The following QSER1 variants were observed in gnomAD, a reference collection of about 807,000 sequenced individuals.
QSER1 encodes glutamine and serine rich 1, also known as glutamine and serine-rich protein 1.
QSER1 carries 49 observed loss-of-function variants against 158.5 expected under a neutral mutation model. The ratio of observed to expected loss-of-function variants is 0.31; its 90% CI spans 0.25 to 0.39. The LOEUF (loss-of-function observed/expected upper bound fraction) is 0.39. Among genes scored for constraint, QSER1 ranks in the 10% least tolerant of loss-of-function variants. The probability of loss-of-function intolerance (pLI) is 1.00; values close to 1 mark genes in which losing one functional copy is unlikely to be tolerated. For synonymous variants in QSER1, 650 were observed against 715.5 expected, an observed-to-expected ratio of 0.91 and a Z score of 1.46; for missense variants, 1,754 against 2,010.3, an observed-to-expected ratio of 0.87 and a Z score of 2.44.
At chr11:32,941,594 G>C (rs562500253) in intron 4 of QSER1, among the ~76,000 whole-genome samples, 2 of 152,144 alleles carry the variant, frequency 1.3e-5, no homozygotes, top group Admixed American at 6.5e-5. Flanking sequence ...GTATTCCATG[G>C]TGTATATGTG....
At chr11:32,936,863 G>A (rs1413565627) in intron 4 of QSER1, among the ~76,000 whole-genome samples, 2 of 152,142 alleles carry the variant, frequency 1.3e-5, no homozygotes, top group South Asian at 2.1e-4. Flanking sequence ...CAAATAACCT[G>A]TTAGCATAAA....
At chr11:32,942,898 T>C (rs1852264782) in intron 4 of QSER1, among the ~76,000 whole-genome samples, 1 of 152,218 alleles carries the variant, frequency 6.6e-6, no homozygotes, top group South Asian at 2.1e-4. Flanking sequence ...TTGTATCCTC[T>C]TTTATTTCAT....
At chr11:32,937,721 T>G (rs1053541182) in intron 4 of QSER1, among the ~76,000 whole-genome samples, 1 of 152,222 alleles carries the variant, frequency 6.6e-6, no homozygotes, top group Non-Finnish European at 1.5e-5. Context: ...AAATAAAGAT[T>G]ATATGTAAAA....
In QSER1 at chr11:32,976,549, G is replaced by A; in HGVS notation, c.*75G>A. On this transcript the variant is annotated 3_prime_UTR_variant, in exon 13 of 13. Coordinates refer to ENST00000650167, the MANE Select transcript of QSER1 (RefSeq NM_001076786.3). The stretch of plus-strand genomic sequence containing the variant: ...ATGGGGTGGTCAAAGATAATCAGAT[G>A]TCAAGTAGTGGCCTTCTGCAGGCCG... 2.0e-6 allele frequency: 3 copies of A among 1,505,774 alleles called. No homozygotes were observed. The highest frequency in any genetic ancestry group is 4.6e-5 in the East Asian group (2 of 43,368). The allele number at this position is 1,505,774 out of a possible 1,614,324, so 93.3% of individuals were successfully genotyped here.
chr11:32,939,067 G>C (rs562707779), intron 4 of QSER1, among the ~76,000 whole-genome samples: 2 of 152,200 alleles, frequency 1.3e-5, no homozygotes, highest in African/African-American at 4.8e-5. Context: ...ACTAGTTTTT[G>C]CACTACTAAA....
At chr11:32,953,499 A>G (rs1180276267) in intron 4 of QSER1, among the ~76,000 whole-genome samples, 1 of 152,086 alleles carries the variant, frequency 6.6e-6, no homozygotes, top group African/African-American at 2.4e-5. Flanking sequence ...GACTACAGGC[A>G]CACAACACTA....
In QSER1 at chr11:32,934,990, T is replaced by C; in HGVS notation, c.3732T>C (p.Pro1244=). ...RGTDIYLPYT[P]PSSESCHDGY... ...CAGATATTTACTTACCGTATACTCC[T>C]CCTTCCTCAGAAAGCTGCCATGATG... Residue 1244 remains proline, a synonymous_variant, in exon 4 of 13, where the codon CCT becomes CCC. Coordinates refer to ENST00000650167, the MANE Select transcript of QSER1 (RefSeq NM_001076786.3). 6.2e-7 allele frequency: 1 copy of C among 1,614,096 alleles called. No individual in the cohort carries two copies. Among genetic ancestry groups the C allele is most frequent in the Non-Finnish European group, 8.5e-7 (1 of 1,179,996 alleles).
chr11:32,932,269 A>G lies in QSER1; in HGVS notation c.1011A>G (p.Ser337=). The part of the protein sequence containing the change: ...TQSIQAQLTG[S]QHSLHSYLSN... ...CAATTCAGGCACAACTGACTGGTTC[A>G]CAGCACTCCTTACATAGTTATCTAT... The change falls in exon 4 of 13, where the codon TCA becomes TCG. Residue 337 remains serine (S), a synonymous_variant. Coordinates refer to ENST00000650167, the MANE Select transcript of QSER1 (RefSeq NM_001076786.3). 1 of 1,614,078 alleles carries G rather than the reference A, an allele frequency of 6.2e-7. No individual in the cohort carries two copies. Among genetic ancestry groups the G allele is most frequent in the Non-Finnish European group, 8.5e-7 (1 of 1,180,032 alleles).
chr11:32,973,406 G>C lies in QSER1; in HGVS notation c.5215G>C (p.Glu1739Gln). 1.1e-5 allele frequency: 17 copies of C among 1,613,348 alleles called. No individual in the cohort carries two copies. Among genetic ancestry groups the C allele is most frequent in the Non-Finnish European group, 1.4e-5 (17 of 1,179,796 alleles). ...HLDQSFKNALESFPELTIITR... is the reference protein window; with the variant it reads ...HLDQSFKNALQSFPELTIITR... ...CTTCATTGTTTTCCAGAATGCTTTG[G>C]AAAGTTTTCCTGAACTAACAATAAT... The change falls in exon 11 of 13, where the codon GAA becomes CAA. Residue 1739 changes from glutamate to glutamine, a missense_variant. Around this residue, in one of 2 missense-constraint regions of QSER1, gnomAD observed 1,707 missense variants for 1,919.6 expected, o/e 0.89. Coordinates refer to ENST00000650167, the MANE Select transcript of QSER1 (RefSeq NM_001076786.3).
At chr11:32,948,544 G>A (rs146122094) in intron 4 of QSER1, among the ~76,000 whole-genome samples, 12 of 152,260 alleles carry the variant, frequency 7.9e-5, no homozygotes, top group East Asian at 5.8e-4. Flanking sequence ...CAGGAGTATC[G>A]GGTGAGCCCA....
chr11:32,935,622 G>A (rs1852141580), intron 4 of QSER1, among the ~76,000 whole-genome samples, 187 bp downstream of exon 4: 1 of 152,166 alleles, frequency 6.6e-6, no homozygotes, highest in African/African-American at 2.4e-5. Flanking sequence ...CTATGTTTTA[G>A]GTTAAGTAGT....
At chr11:32,900,146 C>G (rs1851606434) in intron 1 of QSER1, among the ~76,000 whole-genome samples, 1 of 152,210 alleles carries the variant, frequency 6.6e-6, no homozygotes, top group Non-Finnish European at 1.5e-5. Context: ...TGTTGCTTTT[C>G]TTGCCTCCTT....
intron 1 of QSER1, among the ~76,000 whole-genome samples, chr11:32,895,888 G>A (rs1053885702): frequency 1.3e-5 from 2 of 152,170 alleles, no homozygotes; most frequent in African/African-American, 4.8e-5. Context: ...TAGTTATTAG[G>A]TAGTTTTATT....
chr11:32,971,750 G>C (rs1358798837), intron 10 of QSER1, among the ~76,000 whole-genome samples: 1 of 152,078 alleles, frequency 6.6e-6, no homozygotes, highest in Non-Finnish European at 1.5e-5. Context: ...GAAAAATTTA[G>C]GTTGCCTGTT....
In QSER1 at chr11:32,976,575, G is replaced by A; in HGVS notation, c.*101G>A. 5.4e-6 allele frequency: 7 copies of A among 1,291,666 alleles called. No homozygotes were observed. The highest frequency in any genetic ancestry group is 7.7e-6 in the Non-Finnish European group (7 of 914,350). 80.0% of individuals were successfully genotyped at this position (1,291,666 alleles called of 1,614,324 possible). A position where few individuals can be genotyped will look rare whatever the true frequency, so the allele number is the denominator to read the frequency against. On this transcript the variant is annotated 3_prime_UTR_variant, in exon 13 of 13. Coordinates refer to ENST00000650167, the MANE Select transcript of QSER1 (RefSeq NM_001076786.3). Reference sequence around the variant, plus strand: ...TCAAGTAGTGGCCTTCTGCAGGCCGGCCGCTTCCATCATGGAACTGTCATT... The same window carrying A: ...TCAAGTAGTGGCCTTCTGCAGGCCGACCGCTTCCATCATGGAACTGTCATT...
At chr11:32,943,992 A>G (rs1348135567) in intron 4 of QSER1, among the ~76,000 whole-genome samples, 1 of 150,992 alleles carries the variant, frequency 6.6e-6, no homozygotes, top group Non-Finnish European at 1.5e-5. Context: ...GAATTTATCC[A>G]TTTCTTCTAG....
At chr11:32,948,218 T>C (rs1391510465) in intron 4 of QSER1, among the ~76,000 whole-genome samples, 3 of 152,190 alleles carry the variant, frequency 2.0e-5, no homozygotes, top group African/African-American at 7.2e-5. Context: ...CTGAAACTAA[T>C]AGGATGTGGC....
intron 7 of QSER1, 21 bp from the exon 8 acceptor site, chr11:32,957,848 A>G: frequency 1.3e-6 from 2 of 1,574,916 alleles, no homozygotes; most frequent in African/African-American, 1.4e-5. Context: ...GTGTTAATGA[A>G]GTTTGTTTAT....
intron 3 of QSER1, among the ~76,000 whole-genome samples, chr11:32,931,076 T>G (rs945310097): frequency 6.6e-6 from 1 of 152,104 alleles, no homozygotes; most frequent in Non-Finnish European, 1.5e-5. Flanking sequence ...GTAGGCAATT[T>G]AGCTTTTTTT....
Sources: allele counts gnomAD v4.1 joint callset (sites outside exome capture counted in the v4.1 genomes callset), GRCh38; gene constraint gnomAD v4.1.1; regional missense constraint gnomAD v4.1.1; transcripts MANE v1.5; gene names NCBI Gene and HGNC (gene_info 2026-07-23, HGNC 2026-07-21).